FBXO7: variants seen among roughly 807,000 people sequenced by gnomAD.
FBXO7 encodes F-box protein 7.
A neutral mutation model predicts 50.2 loss-of-function variants in FBXO7; 31 were observed. That is an observed-to-expected ratio of 0.62 (90% confidence interval 0.46 to 0.83). The LOEUF is 0.83. FBXO7 is among the 40% of genes least tolerant of loss of function. The pLI, the probability that FBXO7 is intolerant of heterozygous loss-of-function variation, is 0.00. For synonymous variants in FBXO7, 256 were observed against 253.1 expected, an observed-to-expected ratio of 1.01 and a Z score of -0.11; for missense variants, 667 against 646.6, an observed-to-expected ratio of 1.03 and a Z score of -0.34.
chr22:32,498,293 C>CGG lies in FBXO7; in HGVS notation c.1336_1337dup (p.Glu447ValfsTer33). On this transcript the variant is annotated frameshift_variant, in exon 9 of 9. Coordinates refer to ENST00000266087, the MANE Select transcript of FBXO7 (RefSeq NM_012179.4). LOFTEE classifies it high-confidence loss of function. ...GCTCCCGCCTTCCTCCAGGAATTAT[C>CGG]GGGGGTGAATATGACCAAAGACCAA... 2.5e-6 allele frequency: 4 copies of CGG among 1,614,132 alleles called. No individual in the cohort carries two copies. The highest frequency in any genetic ancestry group is 3.4e-6 in the Non-Finnish European group (4 of 1,180,018).
intron 1 of FBXO7, 76 bp from the exon 2 acceptor site, chr22:32,478,905 A>G: frequency 7.7e-7 from 1 of 1,303,746 alleles, no homozygotes; most frequent in Non-Finnish European, 1.1e-6. Flanking sequence ...CTGTGTACTT[A>G]TGTATGCTTC....
chr22:32,493,324 G>A (rs1601516443), intron 7 of FBXO7, 43 bp downstream of exon 7: 2 of 1,550,934 alleles, frequency 1.3e-6, no homozygotes, highest in African/African-American at 2.7e-5. Context: ...GGCTCTTATT[G>A]TCTTGATTAC....
chr22:32,484,197 C>A (rs186474609), intron 3 of FBXO7, 73 bp downstream of exon 3: 36 of 1,365,126 alleles, frequency 2.6e-5, no homozygotes, highest in Admixed American at 1.3e-4. Flanking sequence ...TCTCAAGTTG[C>A]CCGTAGTCTG....
intron 8 of FBXO7, among the ~76,000 whole-genome samples, chr22:32,497,518 TTTTC>T (rs2146008086): frequency 6.6e-6 from 1 of 152,322 alleles, no homozygotes; most frequent in African/African-American, 2.4e-5. Flanking sequence ...ATATGCCACA[TTTTC>T]TTTATCAGTG....
At position 32,485,199 on chromosome 22, in the gene FBXO7, T is replaced by C; in HGVS notation, c.777T>C (p.Ile259=). Residue 259 remains isoleucine (I), a synonymous_variant, in exon 4 of 9, where the codon ATT becomes ATC. Transcript: ENST00000266087. The part of the protein sequence containing the change: ...TLTCVPLGNL[I]VVNATLKINN... ...CCTGTGTGCCTTTGGGAAACCTGAT[T>C]GTTGTAAATGGTAATTGGATAGCAT... 1 of 1,614,106 alleles carries C rather than the reference T, an allele frequency of 6.2e-7. No homozygotes were observed. The highest frequency in any genetic ancestry group is 8.5e-7 in the Non-Finnish European group (1 of 1,179,976).
At chr22:32,486,636 T>G (rs1428805746) in intron 4 of FBXO7, among the ~76,000 whole-genome samples, 4 of 152,194 alleles carry the variant, frequency 2.6e-5, no homozygotes, top group Admixed American at 6.5e-5. Context: ...GCCTGGCCTC[T>G]TACGAAATTT....
chr22:32,485,339 C>A, intron 4 of FBXO7, 130 bp downstream of exon 4: 1 of 1,165,428 alleles, frequency 8.6e-7, no homozygotes, highest in Non-Finnish European at 1.3e-6. Context: ...GTATTTAATT[C>A]CTAGGCCACT....
chr22:32,482,311 C>T (rs1235580671), intron 2 of FBXO7, among the ~76,000 whole-genome samples: 1 of 152,146 alleles, frequency 6.6e-6, no homozygotes, highest in Non-Finnish European at 1.5e-5. Context: ...GGCTTAGGTC[C>T]TCAGAGATTT....
At chr22:32,475,980 A>G (rs550428207) in intron 1 of FBXO7, 1 of 152,344 alleles carries the variant, frequency 6.6e-6, no homozygotes, top group East Asian at 1.9e-4. Flanking sequence ...CTCTTCAAAT[A>G]CTGAGCTAGT....
intron 5 of FBXO7, chr22:32,489,327 C>T (rs1164069620): frequency 6.6e-6 from 1 of 152,164 alleles, no homozygotes; most frequent in South Asian, 2.1e-4. Context: ...AGTTTTTGCC[C>T]CTGTTGGAAA....
intron 2 of FBXO7, among the ~76,000 whole-genome samples, chr22:32,480,952 C>T (rs2057460785): frequency 6.6e-6 from 1 of 152,214 alleles, no homozygotes; most frequent in African/African-American, 2.4e-5. Context: ...AGATGTGAGC[C>T]ACCGTGCCTG....
chr22:32,476,791 G>A (rs1015698910), intron 1 of FBXO7, among the ~76,000 whole-genome samples: 11 of 152,166 alleles, frequency 7.2e-5, no homozygotes, highest in Non-Finnish European at 1.3e-4. Context: ...GAAGGCTGGA[G>A]TTTCTAGAAT....
At chr22:32,480,503 C>T (rs1219323949) in intron 2 of FBXO7, among the ~76,000 whole-genome samples, 2 of 151,914 alleles carry the variant, frequency 1.3e-5, no homozygotes, top group East Asian at 1.9e-4. Context: ...TGACTTTGCT[C>T]TTGCTGTTCA....
rs1568975036 is a variant in FBXO7 at position 32,485,155 on chromosome 22, G to T, written c.733G>T (p.Gly245Cys). Reference protein sequence around the residue: ...KLQYMHPLCEGSSATLTCVPL... With the variant: ...KLQYMHPLCECSSATLTCVPL... ...GCAGTACATGCATCCTCTCTGCGAG[G>T]GCAGCTCCGCTACTCTCACCTGTGT... The change falls in exon 4 of 9, where the codon GGC becomes TGC. Residue 245 changes from glycine (G) to cysteine (C), a missense_variant. Gly to Cys is a radical substitution (Grantham distance 159, BLOSUM62 -3). Transcript: ENST00000266087. The T allele has an allele frequency of 1.2e-6, 2 of 1,614,124 alleles. No homozygotes were observed. Among genetic ancestry groups the T allele is most frequent in the Non-Finnish European group, 1.7e-6 (2 of 1,180,004 alleles).
intron 6 of FBXO7, chr22:32,491,799 G>A (rs547914586): frequency 1.3e-5 from 2 of 151,456 alleles, no homozygotes; most frequent in African/African-American, 4.8e-5. Flanking sequence ...AATTCAATAA[G>A]GTTTATAATT....
chr22:32,486,190 T>C (rs2057497279), intron 4 of FBXO7, among the ~76,000 whole-genome samples: 1 of 152,026 alleles, frequency 6.6e-6, no homozygotes, highest in South Asian at 2.1e-4. Flanking sequence ...TTTATCTGTT[T>C]CATTTATTGA....
intron 1 of FBXO7, chr22:32,475,407 T>C (rs2057421180): frequency 1.2e-6 from 2 of 1,610,902 alleles, no homozygotes; most frequent in African/African-American, 1.3e-5. Flanking sequence ...CGGTGAGTCA[T>C]GGCTTCTGGT....
chr22:32,481,012 A>G (rs1568972977), intron 2 of FBXO7, among the ~76,000 whole-genome samples: 1 of 152,018 alleles, frequency 6.6e-6, no homozygotes, highest in Non-Finnish European at 1.5e-5. Context: ...GATCACCTTT[A>G]TTTTTTTAAT....
chr22:32,497,876 G>A (rs755079617), intron 8 of FBXO7, among the ~76,000 whole-genome samples: 2 of 152,276 alleles, frequency 1.3e-5, no homozygotes, highest in African/African-American at 4.8e-5. Flanking sequence ...GTGATTGTTA[G>A]CATATTTTTA....
Sources: gnomAD v4.1 joint callset for allele counts (sites outside exome capture counted in the v4.1 genomes callset) on GRCh38, gnomAD v4.1.1 for gene constraint, MANE v1.5 for transcripts, NCBI Gene and HGNC (gene_info 2026-07-23, HGNC 2026-07-21) for gene names.